KIFC3: variants seen among roughly 807,000 people sequenced by gnomAD.
The protein encoded by KIFC3 is kinesin-like protein KIFC3.
Under a neutral mutation model 101.8 loss-of-function variants are expected in KIFC3, and 60 were observed. The ratio of observed to expected loss-of-function variants is 0.59; its 90% confidence interval spans 0.48 to 0.73. The LOEUF (loss-of-function observed/expected upper bound fraction) is 0.73. Among genes scored for constraint, KIFC3 ranks in the 30% least tolerant of loss-of-function variants. KIFC3 has a pLI of 0.00. For synonymous variants in KIFC3, 476 were observed against 482.7 expected (o/e 0.99, Z 0.18); for missense variants, 966 against 1,137.1 (o/e 0.85, Z 2.16).
intron 1 of KIFC3, among the ~76,000 whole-genome samples, chr16:57,858,205 T>A (rs1300587744): frequency 6.6e-6 from 1 of 152,120 alleles, no homozygotes; most frequent in Non-Finnish European, 1.5e-5. Context: ...ATAGCTTTCT[T>A]TTTTTAGCTT....
intron 3 of KIFC3, among the ~76,000 whole-genome samples, chr16:57,790,155 C>T (rs973181019): frequency 2.0e-5 from 3 of 147,636 alleles, no homozygotes; most frequent in South Asian, 2.2e-4. Flanking sequence ...TAGCAGCTCA[C>T]TGCAACCTTG....
intron 1 of KIFC3, among the ~76,000 whole-genome samples, chr16:57,837,554 G>GA (rs1555480639): frequency 1.2e-4 from 12 of 99,916 alleles, no homozygotes; most frequent in African/African-American, 3.7e-4. Context: ...AGGAAGGAAG[G>GA]AAGAAAGAAA....
intron 3 of KIFC3, chr16:57,782,276 G>C: frequency 2.4e-6 from 1 of 420,778 alleles, no homozygotes; most frequent in Non-Finnish European, 3.2e-6. Context: ...GAGAGGAAGT[G>C]ACTTCCTACA....
intron 1 of KIFC3, among the ~76,000 whole-genome samples, chr16:57,801,656 G>T (rs1166068714): frequency 2.0e-5 from 3 of 152,248 alleles, no homozygotes; most frequent in Non-Finnish European, 4.4e-5. Context: ...AGACAGTGTT[G>T]GGGTATGGAG....
Position 57,758,628 on chromosome 16 carries a change from C to A in KIFC3, c.*306G>T. 1 of 697,830 alleles carries A rather than the reference C, an allele frequency of 1.4e-6. No individual in the cohort carries two copies. The highest frequency in any genetic ancestry group is 1.7e-5 in the African/African-American group (1 of 57,314). 43.2% of individuals were successfully genotyped at this position (697,830 alleles called of 1,614,324 possible). A position where few individuals can be genotyped will look rare whatever the true frequency, so the allele number is the denominator to read the frequency against. On this transcript the variant is annotated 3_prime_UTR_variant, in exon 20 of 20. Transcript: ENST00000445690. ...GGCCCACCCTCCTCCACACTCCCGC[C>A]CTCCTCACGGGGCCCAGTTCGCTGA...
At chr16:57,811,714 G>A (rs952894861) in intron 1 of KIFC3, among the ~76,000 whole-genome samples, 10 of 152,150 alleles carry the variant, frequency 6.6e-5, no homozygotes, top group Middle Eastern at 3.4e-3. Context: ...TCAGGAGTTC[G>A]AGACCAGCCT....
At chr16:57,822,265 C>CAACA in intron 1 of KIFC3, among the ~76,000 whole-genome samples, 1 of 152,144 alleles carries the variant, frequency 6.6e-6, no homozygotes, top group East Asian at 1.9e-4. Flanking sequence ...CAAAAGTAAT[C>CAACA]ACTTGTCCCT....
upstream of KIFC3, among the ~76,000 whole-genome samples, chr16:57,803,766 A>G (rs972208941): frequency 3.9e-5 from 6 of 152,226 alleles, no homozygotes; most frequent in African/African-American, 1.4e-4. Context: ...CGCTCCTGGA[A>G]TCATTCCCTA....
rs555118123 is a variant in KIFC3 at position 57,830,122 on chromosome 16, T to C, written c.109-31840A>G. 3.3e-5 allele frequency among the ~76,000 whole-genome samples: 5 copies of C among 152,236 alleles called. No individual in the cohort carries two copies. The East Asian group carries it at 9.7e-4, about 29-fold the overall frequency. On this transcript the variant is annotated intron_variant, in intron 1 of 2. Coordinates refer to the KIFC3 transcript ENST00000563028. The stretch of plus-strand genomic sequence containing the variant: ...TATAGCCCAGGAGGACAGAGAGCAC[T>C]GGCTTTGGTGACAGGCAGATCTGGG...
chr16:57,783,697 T>A (rs2053014503), intron 3 of KIFC3, among the ~76,000 whole-genome samples: 1 of 152,156 alleles, frequency 6.6e-6, no homozygotes, highest in African/African-American at 2.4e-5. Flanking sequence ...GGTCTTGAAC[T>A]CCTGACCTCA....
intron 1 of KIFC3, among the ~76,000 whole-genome samples, chr16:57,847,000 C>T (rs1007740807): frequency 2.6e-5 from 4 of 152,010 alleles, no homozygotes; most frequent in Non-Finnish European, 1.5e-5. Flanking sequence ...GCCTAGCCAA[C>T]AAGGTGAAAC....
At chr16:57,860,357 G>T (rs2149341295) in intron 1 of KIFC3, among the ~76,000 whole-genome samples, 1 of 152,300 alleles carries the variant, frequency 6.6e-6, no homozygotes, top group East Asian at 1.9e-4. Context: ...GGAGGCTAAG[G>T]CAGGAGAATC....
chr16:57,862,071 C>T (rs1386167851), intron 1 of KIFC3, among the ~76,000 whole-genome samples: 1 of 151,970 alleles, frequency 6.6e-6, no homozygotes, highest in Non-Finnish European at 1.5e-5. Flanking sequence ...CTTCTGGAAG[C>T]GAATTCTGGC....
chr16:57,760,131 G>A, intron 17 of KIFC3, 151 bp downstream of exon 17: 1 of 916,562 alleles, frequency 1.1e-6, no homozygotes, highest in South Asian at 1.6e-5. Context: ...AGAGGCTGCT[G>A]GCTGTGGGTT....
intron 1 of KIFC3, among the ~76,000 whole-genome samples, chr16:57,847,762 G>GTGTC (rs757775985): frequency 1.2e-4 from 8 of 67,272 alleles, no homozygotes; most frequent in African/African-American, 5.5e-4. Context: ...AGATGAATTT[G>GTGTC]TGTGTGTGTG....
At position 57,834,419 on chromosome 16, in the gene KIFC3, A is replaced by G. The variant is rs148721156; in HGVS notation, c.108+28310T>C. Reference sequence around the variant, plus strand: ...TTACACATTATACAATTCATTAATTATTCAGTAAACTCTTCACCTTGATCC... The same window carrying G: ...TTACACATTATACAATTCATTAATTGTTCAGTAAACTCTTCACCTTGATCC... On this transcript the variant is annotated intron_variant, in intron 1 of 2. Coordinates refer to the KIFC3 transcript ENST00000563028. 6.5e-3 allele frequency among the ~76,000 whole-genome samples: 997 copies of G among 152,346 alleles called. 13 individuals are homozygous for G. The highest frequency in any genetic ancestry group is 0.023 in the African/African-American group (944 of 41,594).
At chr16:57,807,381 C>T (rs117235924), upstream of KIFC3, among the ~76,000 whole-genome samples, 1 of 152,096 alleles carries the variant, frequency 6.6e-6, no homozygotes. Context: ...TGGCACAAGG[C>T]TCACAGCTGC....
At chr16:57,803,183 C>T (rs2054845274), upstream of KIFC3, 1 of 752,472 alleles carries the variant, frequency 1.3e-6, no homozygotes, top group African/African-American at 1.7e-5. Context: ...GTAAAACACA[C>T]CAATGGTGCA....
upstream of KIFC3, chr16:57,808,015 G>C (rs1555627252): frequency 6.7e-6 from 1 of 149,322 alleles, no homozygotes; most frequent in African/African-American, 2.5e-5. Flanking sequence ...AAATCCAAAT[G>C]GTGGCTGCCT....
Sources: gnomAD v4.1 joint callset for allele counts (sites outside exome capture counted in the v4.1 genomes callset) on GRCh38, gnomAD v4.1.1 for gene constraint, MANE v1.5 for transcripts, NCBI Gene and HGNC (gene_info 2026-07-23, HGNC 2026-07-21) for gene names.